Variants in ELP1 observed in about 807,000 individuals in gnomAD.
ELP1 encodes the protein elongator complex protein 1.
Under a neutral mutation model 183.2 loss-of-function variants are expected in ELP1, and 131 were observed. The ratio of observed to expected loss-of-function variants is 0.72; its 90% CI spans 0.62 to 0.83. ELP1 has a LOEUF of 0.83. Ranked by LOEUF, ELP1 falls within the 40% of genes least tolerant of loss-of-function variation. The pLI is 0.00. For missense variants in ELP1, 1,550 were observed against 1,594.9 expected (o/e 0.97, Z 0.48); for synonymous variants, 555 against 569.0 (o/e 0.98, Z 0.35).
At position 108,891,323 on chromosome 9, in the gene ELP1, C is replaced by T. The variant is rs770540843; in HGVS notation, c.3040G>A (p.Ala1014Thr). Residue 1014 changes from alanine (A) to threonine (T), a missense_variant, in exon 28 of 37, where the codon GCC (alanine) becomes ACC (threonine). Transcript: ENST00000374647. ...AAGGCTGAGAGAGCTTTCTCGTGGG[C>T]ACCGCAACGGGCAAACATGAGCCCC... The part of the protein sequence containing the change: ...PAGLMFARCG[A>T]HEKALSAFLT... 9.3e-6 allele frequency: 15 copies of T among 1,614,034 alleles called. No individual in the cohort carries two copies. Among genetic ancestry groups the T allele is most frequent in the Non-Finnish European group, 1.2e-5 (14 of 1,180,034 alleles).
chr9:108,872,314 C>T (rs1226453308), intron 36 of ELP1, among the ~76,000 whole-genome samples: 3 of 152,140 alleles, frequency 2.0e-5, no homozygotes, highest in African/African-American at 4.8e-5. Context: ...TACAGTAGTG[C>T]AGTACATACT....
At chr9:108,909,286 C>T (rs1175677096) in intron 12 of ELP1, among the ~76,000 whole-genome samples, 1 of 152,064 alleles carries the variant, frequency 6.6e-6, no homozygotes, top group African/African-American at 2.4e-5. Flanking sequence ...ACACCTAGAA[C>T]AACAAGTTGT....
In ELP1 at chr9:108,906,290, A is replaced by G; in HGVS notation, c.1643+13T>C. On this transcript the variant is annotated intron_variant, in intron 14 of 36. Transcript: ENST00000374647. ...TTGCTTAACATGTGGAGTACAGGGA[A>G]AAACTGCAATACCTGACATTGAGCT... is the stretch of plus-strand genomic sequence containing the variant. The G allele has an allele frequency of 6.2e-7, 1 of 1,613,758 alleles. No homozygotes were observed. The highest frequency in any genetic ancestry group is 1.3e-5 in the African/African-American group (1 of 75,024).
intron 3 of ELP1, among the ~76,000 whole-genome samples, chr9:108,929,160 C>G (rs1829916321): frequency 6.6e-6 from 1 of 152,216 alleles, no homozygotes; most frequent in African/African-American, 2.4e-5. Flanking sequence ...GAGATCACAA[C>G]TAATGAAGTA....
rs371800169 is a variant in ELP1 at position 108,904,000 on chromosome 9, G to T, written c.1644-331C>A. ...CTGTGAAGTCATCATTCCTCTTCTG[G>T]CCACAACTTACTGCAACTTATTACA... is the stretch of plus-strand genomic sequence containing the variant. On this transcript the variant is annotated intron_variant, in intron 14 of 36. Transcript: ENST00000374647. Among the ~76,000 whole-genome samples, 22 of 152,188 alleles carry T rather than the reference G, an allele frequency of 1.4e-4. 1 individual carries two copies. In the East Asian group the frequency reaches 1.7e-3, roughly 12 times the overall value.
At position 108,931,050 on chromosome 9, in the gene ELP1, C is replaced by G. The variant is rs781294771; in HGVS notation, c.97G>C (p.Val33Leu). Reference sequence around the variant, plus strand: ...AGGCCATGTTCTGAACCAATGAGCACCGTCCCCTGTTCAGTTCGGAGAGAG... The same window carrying G: ...AGGCCATGTTCTGAACCAATGAGCAGCGTCCCCTGTTCAGTTCGGAGAGAG... ...CFSLRTEQGT[V>L]LIGSEHGLIE... is the part of the protein sequence containing the mutation. The change falls in exon 2 of 37, where the codon GTG (valine) becomes CTG (leucine). Residue 33 changes from valine to leucine, a missense_variant. By Grantham distance (32) the Val-to-Leu change is conservative (BLOSUM62 1). Transcript: ENST00000374647. 1 of 1,614,130 alleles carries G rather than the reference C, an allele frequency of 6.2e-7. No homozygotes were observed. Among genetic ancestry groups the G allele is most frequent in the Non-Finnish European group, 8.5e-7 (1 of 1,180,000 alleles).
chr9:108,879,793 C>A (rs1210159440), intron 32 of ELP1, among the ~76,000 whole-genome samples: 1 of 152,162 alleles, frequency 6.6e-6, no homozygotes, highest in South Asian at 2.1e-4. Flanking sequence ...TTGTTAGACA[C>A]GGAAGTGGTC....
At chr9:108,924,224 T>C (rs1294081041) in intron 5 of ELP1, among the ~76,000 whole-genome samples, 1 of 152,202 alleles carries the variant, frequency 6.6e-6, no homozygotes, top group Non-Finnish European at 1.5e-5. Flanking sequence ...AACATAGATG[T>C]GCTTATGTAT....
chr9:108,922,543 C>G (rs930936017), intron 6 of ELP1, among the ~76,000 whole-genome samples: 1 of 152,134 alleles, frequency 6.6e-6, no homozygotes, highest in Non-Finnish European at 1.5e-5. Context: ...GGAGGGACAT[C>G]GGGACGGGAT....
chr9:108,880,883 GGTGCAGACAAGGTAAGAAT>G (rs1248110450), intron 31 of ELP1, among the ~76,000 whole-genome samples: 1 of 152,126 alleles, frequency 6.6e-6, no homozygotes, highest in African/African-American at 2.4e-5. Flanking sequence ...GGAGGAAGGG[GGTGCAGACAAGGTAAGAAT>G]GTGCATACAT....
At chr9:108,926,658 C>A (rs1428601027) in intron 4 of ELP1, 55 bp from the exon 5 acceptor site, 1 of 1,292,182 alleles carries the variant, frequency 7.7e-7, no homozygotes, top group South Asian at 1.2e-5. Flanking sequence ...ATTTGCCATT[C>A]CTAAGTACCT....
intron 1 of ELP1, among the ~76,000 whole-genome samples, chr9:108,932,233 G>A (rs1003046551): frequency 1.3e-5 from 2 of 152,158 alleles, no homozygotes; most frequent in Non-Finnish European, 2.9e-5. Context: ...ATAAGAGAAA[G>A]GTAAGTTTAT....
At chr9:108,880,331 T>C (rs945779566) in intron 31 of ELP1, among the ~76,000 whole-genome samples, 166 bp from the exon 32 acceptor site, 7 of 152,170 alleles carry the variant, frequency 4.6e-5, no homozygotes, top group African/African-American at 1.4e-4. Flanking sequence ...AATTAGAGAC[T>C]GAGATTCCAG....
chr9:108,909,040 T>C (rs552185951), intron 12 of ELP1, among the ~76,000 whole-genome samples: 5 of 152,174 alleles, frequency 3.3e-5, no homozygotes, highest in African/African-American at 9.6e-5. Context: ...CCTTCAAGCA[T>C]AGAATGCTTG....
At chr9:108,921,966 T>C (rs1236182586) in intron 6 of ELP1, among the ~76,000 whole-genome samples, 2 of 152,214 alleles carry the variant, frequency 1.3e-5, no homozygotes, top group Non-Finnish European at 2.9e-5. Context: ...AGACATTATG[T>C]TGTCCACTTT....
Position 108,918,785 on chromosome 9 carries a change from T to A in ELP1, c.740+26A>T, listed in dbSNP as rs1829541050. 3.2e-6 allele frequency: 5 copies of A among 1,551,890 alleles called. No homozygotes were observed. The South Asian group carries it at 4.5e-5, about 14-fold the overall frequency. On this transcript the variant is annotated intron_variant, in intron 8 of 36. Coordinates refer to ENST00000374647, the MANE Select transcript of ELP1 (RefSeq NM_003640.5). ...CACCTCTACTCTGGTTCCAAGAATT[T>A]CTCTAAGGTTTCTTCTCCCACTCAC...
intron 27 of ELP1, 43 bp from the exon 28 acceptor site, chr9:108,891,447 A>C: frequency 1.3e-6 from 2 of 1,562,598 alleles, no homozygotes; most frequent in Non-Finnish European, 1.8e-6. Flanking sequence ...AAATATGACA[A>C]TCATTTCTCT....
At chr9:108,893,906 C>T in intron 26 of ELP1, 37 bp downstream of exon 26, 1 of 1,611,600 alleles carries the variant, frequency 6.2e-7, no homozygotes, top group Non-Finnish European at 8.5e-7. Context: ...CAAAGAAGAT[C>T]TGAAGTAGAG....
chr9:108,896,066 G>A (rs534641583), intron 25 of ELP1, among the ~76,000 whole-genome samples: 2 of 152,142 alleles, frequency 1.3e-5, no homozygotes, highest in African/African-American at 4.8e-5. Context: ...GACCATCCTG[G>A]CTAACACAGT....
Sources: gnomAD v4.1 joint callset for allele counts (sites outside exome capture counted in the v4.1 genomes callset) on GRCh38, gnomAD v4.1.1 for gene constraint, MANE v1.5 for transcripts, NCBI Gene and HGNC (gene_info 2026-07-23, HGNC 2026-07-21) for gene names.